The following DCC variants were observed in gnomAD, a reference collection of about 807,000 sequenced individuals.
DCC encodes the protein netrin receptor DCC.
A neutral mutation model predicts 172.5 loss-of-function variants in DCC; 58 were observed. The ratio of observed to expected loss-of-function variants is 0.34; its 90% CI spans 0.27 to 0.42. DCC has a LOEUF of 0.42. Among genes scored for constraint, DCC ranks in the 10% least tolerant of loss-of-function variants. The probability of loss-of-function intolerance (pLI) is 1.00; values close to 1 mark genes in which losing one functional copy is unlikely to be tolerated. For synonymous variants in DCC, 709 were observed against 644.5 expected (o/e 1.10, Z -1.52); for missense variants, 1,740 against 1,791.0 (o/e 0.97, Z 0.51).
chr18:52,494,449 G>C (rs912173272), intron 1 of DCC, among the ~76,000 whole-genome samples: 1 of 151,904 alleles, frequency 6.6e-6, no homozygotes, highest in African/African-American at 2.4e-5. Context: ...TCTCCTAATA[G>C]TATTCCAATT....
chr18:52,527,372 A>G (rs1368458601), intron 1 of DCC, among the ~76,000 whole-genome samples: 6 of 152,240 alleles, frequency 3.9e-5, no homozygotes, highest in Non-Finnish European at 8.8e-5. Flanking sequence ...CTTTTGCTAT[A>G]ATAAATGCAT....
chr18:53,209,751 A>G (rs1568366927), intron 11 of DCC, among the ~76,000 whole-genome samples: 2 of 152,218 alleles, frequency 1.3e-5, no homozygotes, highest in African/African-American at 4.8e-5. Flanking sequence ...TTCACAACTT[A>G]TAATTATAAA....
At chr18:52,813,278 A>AAGAATTTGCT (rs1304079754) in intron 2 of DCC, among the ~76,000 whole-genome samples, 2 of 121,968 alleles carry the variant, frequency 1.6e-5, no homozygotes, top group African/African-American at 6.6e-5. Flanking sequence ...CATTTTTGTA[A>AAGAATTTGCT]AGAATTTGCT....
intron 2 of DCC, among the ~76,000 whole-genome samples, chr18:52,798,748 G>T (rs919132278): frequency 1.2e-5 from 1 of 85,016 alleles, no homozygotes; most frequent in African/African-American, 4.5e-5. Flanking sequence ...TTCGTATGAA[G>T]TTTTGTATCT....
At chr18:53,185,045 T>C (rs1356385394) in intron 9 of DCC, among the ~76,000 whole-genome samples, 1 of 152,090 alleles carries the variant, frequency 6.6e-6, no homozygotes, top group Non-Finnish European at 1.5e-5. Context: ...ACATAAATAA[T>C]GGAAAGAAGT....
intron 1 of DCC, among the ~76,000 whole-genome samples, chr18:52,446,293 T>C (rs1415249747): frequency 6.6e-6 from 1 of 152,194 alleles, no homozygotes; most frequent in African/African-American, 2.4e-5. Flanking sequence ...TTAACCTCGA[T>C]TAATAAGGAA....
intron 12 of DCC, among the ~76,000 whole-genome samples, chr18:53,248,521 A>G (rs940322911): frequency 5.3e-5 from 8 of 152,032 alleles, no homozygotes; most frequent in African/African-American, 1.4e-4. Context: ...GTGATCATGA[A>G]GAAGGCCAGA....
chr18:53,516,256 G>C (rs1250106728), intron 27 of DCC, among the ~76,000 whole-genome samples: 1 of 150,338 alleles, frequency 6.7e-6, no homozygotes, highest in Non-Finnish European at 1.5e-5. Context: ...TATGTAGAAA[G>C]CTGAAACTGG....
chr18:53,228,455 G>A (rs571181001), intron 12 of DCC, among the ~76,000 whole-genome samples: 6 of 151,970 alleles, frequency 3.9e-5, no homozygotes, highest in East Asian at 3.9e-4. Flanking sequence ...CTTCAGCTCC[G>A]TAAGAGTCTT....
intron 5 of DCC, among the ~76,000 whole-genome samples, chr18:52,950,181 A>G (rs1379693077): frequency 1.3e-5 from 2 of 152,112 alleles, no homozygotes; most frequent in Non-Finnish European, 2.9e-5. Context: ...CTGTCTCCTG[A>G]TTCATCAAGT....
chr18:52,750,818 AT>A (rs138445858), intron 1 of DCC, among the ~76,000 whole-genome samples: 14,670 of 152,220 alleles, frequency 0.096, 900 homozygotes, highest in Middle Eastern at 0.2. Context: ...GAAGATTGGA[AT>A]GATTTTACAA....
At chr18:52,966,475 C>T (rs2040932529) in intron 5 of DCC, among the ~76,000 whole-genome samples, 1 of 152,088 alleles carries the variant, frequency 6.6e-6, no homozygotes, top group Admixed American at 6.6e-5. Context: ...GTGCAGTATC[C>T]CCCAGGAGAC....
chr18:52,934,067 C>A (rs1401266492), intron 5 of DCC, among the ~76,000 whole-genome samples: 1 of 151,948 alleles, frequency 6.6e-6, no homozygotes, highest in Non-Finnish European at 1.5e-5. Context: ...CCAAGACATC[C>A]CAAATGTCAC....
At chr18:53,314,513 T>C (rs1599015594) in intron 13 of DCC, among the ~76,000 whole-genome samples, 1 of 152,162 alleles carries the variant, frequency 6.6e-6, no homozygotes, top group Non-Finnish European at 1.5e-5. Flanking sequence ...GTGAGTTATC[T>C]CCGTTGCTGA....
At chr18:53,493,779 C>CTTAG (rs1275813961) in intron 26 of DCC, among the ~76,000 whole-genome samples, 2 of 151,840 alleles carry the variant, frequency 1.3e-5, no homozygotes, top group Non-Finnish European at 2.9e-5. Flanking sequence ...CTGCTCTGAT[C>CTTAG]TTAGTTATTT....
At chr18:52,852,151 A>G (rs1440533880) in intron 2 of DCC, among the ~76,000 whole-genome samples, 1 of 152,154 alleles carries the variant, frequency 6.6e-6, no homozygotes, top group Non-Finnish European at 1.5e-5. Context: ...TCTTCAGTTT[A>G]TCTTACTAGG....
intron 2 of DCC, among the ~76,000 whole-genome samples, chr18:52,803,045 G>A (rs2038023647): frequency 6.6e-6 from 1 of 152,144 alleles, no homozygotes; most frequent in East Asian, 1.9e-4. Flanking sequence ...TAATCTGTCT[G>A]AAGTGGTGGG....
intron 9 of DCC, among the ~76,000 whole-genome samples, chr18:53,202,138 T>C (rs1406616139): frequency 1.3e-5 from 2 of 152,158 alleles, no homozygotes; most frequent in Non-Finnish European, 2.9e-5. Context: ...GATTCAAATA[T>C]TTGTCTTTAT....
chr18:52,767,281 A>C (rs1336418850), intron 2 of DCC, among the ~76,000 whole-genome samples: 1 of 152,164 alleles, frequency 6.6e-6, no homozygotes, highest in African/African-American at 2.4e-5. Flanking sequence ...ATTGAAACAC[A>C]TCTCTTTAAC....
Sources: allele counts gnomAD v4.1 joint callset (sites outside exome capture counted in the v4.1 genomes callset), GRCh38; gene constraint gnomAD v4.1.1; transcripts MANE v1.5; gene names NCBI Gene and HGNC (gene_info 2026-07-23, HGNC 2026-07-21).